The following PDE6C variants were observed in gnomAD, a reference collection of about 807,000 sequenced individuals.
PDE6C encodes cone cGMP-specific 3',5'-cyclic phosphodiesterase subunit alpha'.
In PDE6C, 75 loss-of-function variants were observed where a neutral mutation model predicts 113.1. The observed-to-expected ratio is 0.66, with a 90% CI of 0.55 to 0.80. The LOEUF (loss-of-function observed/expected upper bound fraction) is 0.80, where lower values mean the gene tolerates loss of function less well. Among genes scored for constraint, PDE6C ranks in the 30% least tolerant of loss-of-function variants. The pLI is 0.00. For synonymous variants in PDE6C, 375 were observed against 363.7 expected, an observed-to-expected ratio of 1.03 and a Z score of -0.35; for missense variants, 912 against 1,038.6, an observed-to-expected ratio of 0.88 and a Z score of 1.67.
chr10:93,663,787 T>C (rs2058677572), intron 21 of PDE6C, among the ~76,000 whole-genome samples: 1 of 152,184 alleles, frequency 6.6e-6, no homozygotes, highest in Non-Finnish European at 1.5e-5. Flanking sequence ...AATGTTGTTT[T>C]TGGATTCTTA....
At position 93,659,009 on chromosome 10, in the gene PDE6C, G is replaced by GTAGGTAGTTGAAAT; in HGVS notation, c.2144+3_2144+16dup. On this transcript the variant is annotated splice_donor_variant, in intron 17 of 21. Transcript: ENST00000371447. LOFTEE classifies it high-confidence loss of function. ...ATCCAACCAAGAAAGAGATTATCAT[G>GTAGGTAGTTGAAAT]TAGGTAGTTGAAATTGTATTTCTCT... is the stretch of plus-strand genomic sequence containing the variant. 1 of 1,578,444 alleles carries GTAGGTAGTTGAAAT rather than the reference G, an allele frequency of 6.3e-7. No individual in the cohort carries two copies. The highest frequency in any genetic ancestry group is 8.7e-7 in the Non-Finnish European group (1 of 1,147,754).
chr10:93,659,449 C>T (rs1422509416), intron 18 of PDE6C, among the ~76,000 whole-genome samples: 3 of 151,918 alleles, frequency 2.0e-5, no homozygotes, highest in Non-Finnish European at 4.4e-5. Context: ...AGTGTATTAG[C>T]CTGTTCTCAT....
At chr10:93,654,278 G>C (rs888112357) in intron 15 of PDE6C, among the ~76,000 whole-genome samples, 5 of 152,148 alleles carry the variant, frequency 3.3e-5, no homozygotes, top group African/African-American at 1.2e-4. Flanking sequence ...TGCCAAAGTG[G>C]GGAAGCCAGG....
intron 1 of PDE6C, among the ~76,000 whole-genome samples, chr10:93,616,253 C>T (rs534343765): frequency 4.6e-5 from 7 of 152,334 alleles, no homozygotes; most frequent in African/African-American, 1.7e-4. Flanking sequence ...TGACCACACA[C>T]AACTTTCCTC....
chr10:93,625,110 A>G (rs1431310755), intron 4 of PDE6C, among the ~76,000 whole-genome samples: 4 of 152,116 alleles, frequency 2.6e-5, no homozygotes, highest in Admixed American at 6.5e-5. Context: ...CTGTGGTCTG[A>G]TGGAAAATTA....
In PDE6C at chr10:93,636,735, T is replaced by C. The variant is rs151177306; in HGVS notation, c.1414-260T>C. ...CTTTGTATCCATGACAAAGAATGCA[T>C]CTTTGCCATGGAACTCATTGTAGTA... On this transcript the variant is annotated intron_variant, in intron 10 of 21. Transcript: ENST00000371447. Among the ~76,000 whole-genome samples, 33 of 152,166 alleles carry C rather than the reference T, an allele frequency of 2.2e-4. No individual in the cohort carries two copies. The East Asian group carries it at 3.1e-3, about 14-fold the overall frequency.
At chr10:93,658,366 C>T (rs567557019) in intron 16 of PDE6C, among the ~76,000 whole-genome samples, 7 of 151,998 alleles carry the variant, frequency 4.6e-5, no homozygotes, top group Admixed American at 3.3e-4. Context: ...GCTGGACATC[C>T]GTGTGTTTTG....
intron 4 of PDE6C, among the ~76,000 whole-genome samples, chr10:93,623,382 T>C (rs961750798): frequency 6.6e-6 from 1 of 152,248 alleles, no homozygotes; most frequent in African/African-American, 2.4e-5. Flanking sequence ...ATATGTGATT[T>C]GCAAATACTT....
At chr10:93,644,169 C>T (rs552043170) in intron 14 of PDE6C, among the ~76,000 whole-genome samples, 1 of 152,166 alleles carries the variant, frequency 6.6e-6, no homozygotes, top group Non-Finnish European at 1.5e-5. Context: ...CTGTGTCCTT[C>T]TCAATGCATT....
At chr10:93,652,159 T>C (rs2058612304) in intron 15 of PDE6C, among the ~76,000 whole-genome samples, 1 of 152,118 alleles carries the variant, frequency 6.6e-6, no homozygotes, top group Non-Finnish European at 1.5e-5. Context: ...GAGGTGAGCA[T>C]AGTAAAGGCC....
chr10:93,634,202 T>C (rs2058516885), intron 8 of PDE6C, among the ~76,000 whole-genome samples: 1 of 152,106 alleles, frequency 6.6e-6, no homozygotes, highest in Non-Finnish European at 1.5e-5. Context: ...TTTGTATTTT[T>C]AGTAGAGATG....
At chr10:93,662,964 A>G in intron 20 of PDE6C, 64 bp from the exon 21 acceptor site, 4 of 1,380,946 alleles carry the variant, frequency 2.9e-6, no homozygotes, top group Non-Finnish European at 4.1e-6. Context: ...CACTCTCTGC[A>G]TATGAAAGAT....
At position 93,637,003 on chromosome 10, in the gene PDE6C, A is replaced by C. The variant is rs967379923; in HGVS notation, c.1422A>C (p.Gln474His). 4 of 1,586,188 alleles carry C rather than the reference A, an allele frequency of 2.5e-6. No individual in the cohort carries two copies. The highest frequency in any genetic ancestry group is 3.5e-6 in the Non-Finnish European group (4 of 1,154,946). ...TTGCTTTTACATTTTAGAAATTTCA[A>C]GAGAAGTTAAATGTTGATGTAATTG... ...PEEIKSILKF[Q>H]EKLNVDVIDD... Residue 474 changes from glutamine to histidine, a missense_variant, in exon 11 of 22, where the codon CAA becomes CAC. Gln to His is a conservative substitution (Grantham distance 24, BLOSUM62 0). Transcript: ENST00000371447.
chr10:93,646,347 G>A (rs932287151), intron 15 of PDE6C, among the ~76,000 whole-genome samples: 1 of 152,144 alleles, frequency 6.6e-6, no homozygotes, highest in African/African-American at 2.4e-5. Flanking sequence ...ATATGTAAAT[G>A]TAAAGAGGAA....
intron 1 of PDE6C, among the ~76,000 whole-genome samples, chr10:93,616,716 T>C (rs75138819): frequency 0.11 from 17,086 of 150,828 alleles, 1,194 homozygotes; most frequent in Non-Finnish European, 0.15. Flanking sequence ...TGCAATGGCT[T>C]GATCTCGGCT....
At chr10:93,635,694 T>G in intron 10 of PDE6C, 54 bp downstream of exon 10, 1 of 1,571,420 alleles carries the variant, frequency 6.4e-7, no homozygotes, top group Non-Finnish European at 8.8e-7. Context: ...CCACATATTC[T>G]AGAAGTCATC....
At chr10:93,623,257 A>G (rs1471867669) in intron 4 of PDE6C, among the ~76,000 whole-genome samples, 1 of 152,186 alleles carries the variant, frequency 6.6e-6, no homozygotes, top group African/African-American at 2.4e-5. Flanking sequence ...TGCCATCTGT[A>G]TATCTTCTTA....
chr10:93,662,211 TC>T, intron 19 of PDE6C, 78 bp downstream of exon 19: 1 of 900,300 alleles, frequency 1.1e-6, no homozygotes. Context: ...ACACCTGTAA[TC>T]CCAGCACTTT....
chr10:93,631,603 G>A (rs1005956458), intron 8 of PDE6C, among the ~76,000 whole-genome samples: 1 of 152,182 alleles, frequency 6.6e-6, no homozygotes, highest in Non-Finnish European at 1.5e-5. Flanking sequence ...CCTCCCCGCC[G>A]CTCTTCAACG....
Sources: gnomAD v4.1 joint callset for allele counts (sites outside exome capture counted in the v4.1 genomes callset) on GRCh38, gnomAD v4.1.1 for gene constraint, MANE v1.5 for transcripts, NCBI Gene and HGNC (gene_info 2026-07-23, HGNC 2026-07-21) for gene names.